USP9X: variants seen among roughly 807,000 people sequenced by gnomAD.
USP9X encodes ubiquitin carboxyl-terminal hydrolase 9X.
Under a neutral mutation model 190.3 loss-of-function variants are expected in USP9X, and 7 were observed. The observed-to-expected ratio is 0.04, with a 90% CI of 0.02 to 0.07. The LOEUF (loss-of-function observed/expected upper bound fraction) is 0.07, where lower values mean the gene tolerates loss of function less well. Ranked by LOEUF, USP9X falls within the 10% of genes least tolerant of loss-of-function variation. The pLI, the probability that USP9X is intolerant of heterozygous loss-of-function variation, is 1.00. For synonymous variants in USP9X, 645 were observed against 659.5 expected (o/e 0.98, Z 0.34); for missense variants, 1,010 against 1,916.9 (o/e 0.53, Z 8.83).
At chrX:41,117,408 G>A (rs1246450360) in intron 1 of USP9X, among the ~76,000 whole-genome samples, 1 of 111,218 alleles carries the variant, frequency 9.0e-6, no homozygotes, top group Non-Finnish European at 1.9e-5. Context: ...TAGATGGAAG[G>A]ATATTGTGCA....
intron 1 of USP9X, among the ~76,000 whole-genome samples, chrX:41,097,471 A>G (rs1601929996): frequency 9.0e-6 from 1 of 111,362 alleles, no homozygotes; most frequent in East Asian, 2.8e-4. Flanking sequence ...TATACTCTTA[A>G]ATTATTGAGG....
chrX:41,232,395 T>C lies in USP9X; in HGVS notation c.7536T>C (p.His2512=), dbSNP rs375282778. Residue 2512 remains histidine (H), a synonymous_variant, in exon 45 of 45, where the codon CAT becomes CAC. Transcript: ENST00000378308. The stretch of plus-strand genomic sequence containing the variant: ...CTTTTCTCCTTTCCCAGAATAACCA[T>C]GTGCATGGACAGCCATATACAGGCC... ...SPGSQYQQNN[H]VHGQPYTGPA... The C allele has an allele frequency of 3.0e-5, 36 of 1,204,091 alleles. No individual in the cohort carries two copies. In the African/African-American group the frequency reaches 5.8e-4, roughly 19 times the overall value.
At chrX:41,155,331 G>A (rs1205380840) in intron 14 of USP9X, among the ~76,000 whole-genome samples, 1 of 111,850 alleles carries the variant, frequency 8.9e-6, no homozygotes, top group East Asian at 2.8e-4. Context: ...TCATACACTG[G>A]TACTTAAATT....
chrX:41,189,202 C>T, intron 25 of USP9X, 107 bp from the exon 26 acceptor site: 1 of 777,831 alleles, frequency 1.3e-6, no homozygotes, highest in South Asian at 2.8e-5. Context: ...GAGGCTGAGG[C>T]CAGGTGGTTT....
rs1374708645 is a variant in USP9X at position 41,135,316 on chromosome X, T to TA, written c.435+489dup. On this transcript the variant is annotated intron_variant, in intron 5 of 44. Coordinates refer to ENST00000378308, the MANE Select transcript of USP9X (RefSeq NM_001039591.3). ...CTTGGCACTTGGTGGAGGGAGGGATTAAAAAAAAAAGTGAAAATCTAAACC... is the reference window on the plus strand; with the variant it reads ...CTTGGCACTTGGTGGAGGGAGGGATTAAAAAAAAAAAGTGAAAATCTAAACC... 8.5e-5 allele frequency among the ~76,000 whole-genome samples: 9 copies of TA among 105,483 alleles called. No individual in the cohort carries two copies. In the East Asian group the frequency reaches 8.8e-4, roughly 10 times the overall value. The allele number at this position is 105,483 out of a possible 115,157, so 91.6% of individuals were successfully genotyped here.
intron 14 of USP9X, among the ~76,000 whole-genome samples, chrX:41,157,604 T>C (rs1205029946): frequency 3.6e-5 from 4 of 111,445 alleles, no homozygotes; most frequent in African/African-American, 1.3e-4. Flanking sequence ...CCCATAGTCA[T>C]ATTTCTGTTT....
At chrX:41,163,718 A>G (rs993909622) in intron 15 of USP9X, among the ~76,000 whole-genome samples, 10 of 102,221 alleles carry the variant, frequency 9.8e-5, no homozygotes, top group African/African-American at 3.6e-4. Context: ...GCACCACTGC[A>G]CTCCAGACCC....
intron 9 of USP9X, among the ~76,000 whole-genome samples, chrX:41,142,853 G>C (rs1181085226): frequency 8.9e-6 from 1 of 111,907 alleles, no homozygotes; most frequent in Non-Finnish European, 1.9e-5. Context: ...GAAAATTAAA[G>C]AGATAATGGA....
intron 18 of USP9X, among the ~76,000 whole-genome samples, chrX:41,169,602 C>G (rs1379505070): frequency 1.8e-5 from 2 of 110,383 alleles, no homozygotes; most frequent in African/African-American, 6.6e-5. Context: ...TTACAGGCGC[C>G]CACCACCAAG....
chrX:41,189,221 A>C (rs1022417591), intron 25 of USP9X, 88 bp from the exon 26 acceptor site: 12 of 976,269 alleles, frequency 1.2e-5, no homozygotes, highest in Non-Finnish European at 1.7e-5. Context: ...TTAAGTGAGC[A>C]GATGAGTTTT....
At chrX:41,230,347 T>TG (rs1226510017) in intron 43 of USP9X, among the ~76,000 whole-genome samples, 154 bp from the exon 44 acceptor site, 1 of 110,688 alleles carries the variant, frequency 9.0e-6, no homozygotes, top group Non-Finnish European at 1.9e-5. Flanking sequence ...TTTTTTTTTT[T>TG]TTTGTTTTTT....
chrX:41,087,426 A>G (rs936822218), intron 1 of USP9X, among the ~76,000 whole-genome samples: 1 of 112,372 alleles, frequency 8.9e-6, no homozygotes, highest in African/African-American at 3.2e-5. Context: ...AATAGAGACT[A>G]TAAACTCTCC....
chrX:41,158,648 A>G (rs1198128942), intron 14 of USP9X, among the ~76,000 whole-genome samples: 1 of 111,302 alleles, frequency 9.0e-6, no homozygotes, highest in African/African-American at 3.3e-5. Flanking sequence ...CAGGAAAAAA[A>G]TACTTGAATA....
At chrX:41,146,909 A>G (rs1333518293) in intron 11 of USP9X, among the ~76,000 whole-genome samples, 2 of 110,212 alleles carry the variant, frequency 1.8e-5, no homozygotes, top group Non-Finnish European at 3.8e-5. Context: ...AGATGAGTAC[A>G]TGAAAAAATT....
rs2063148754 is a variant in USP9X, at chrX:41,210,569, A to G, written c.5076A>G (p.Ser1692=). ...ACGATGCTTTAGAATTTTTTAATTC[A>G]TTGGTGGATAGTTTAGATGAAGCTT... ...EQHDALEFFN[S]LVDSLDEALK... Residue 1692 remains serine, a synonymous_variant, in exon 33 of 45, where the codon TCA becomes TCG. Coordinates refer to ENST00000378308, the MANE Select transcript of USP9X (RefSeq NM_001039591.3). The G allele has an allele frequency of 1.7e-6, 2 of 1,210,033 alleles. No individual in the cohort carries two copies. Among genetic ancestry groups the G allele is most frequent in the Admixed American group, 2.2e-5 (1 of 45,772 alleles).
At chrX:41,156,577 A>G (rs1418873979) in intron 14 of USP9X, among the ~76,000 whole-genome samples, 2 of 111,902 alleles carry the variant, frequency 1.8e-5, no homozygotes, top group African/African-American at 6.5e-5. Context: ...CAGGGTGGAC[A>G]TTATATGTCA....
intron 32 of USP9X, 127 bp downstream of exon 32, chrX:41,205,620 C>A: frequency 8.7e-6 from 5 of 572,042 alleles, no homozygotes; most frequent in African/African-American, 2.5e-5. Flanking sequence ...TCAAACTGTC[C>A]TTAATTGGGT....
At chrX:41,125,669 CA>C (rs2062234291) in intron 2 of USP9X, among the ~76,000 whole-genome samples, 2 of 56,415 alleles carry the variant, frequency 3.5e-5, no homozygotes, top group African/African-American at 6.4e-5. Flanking sequence ...CACACACACA[CA>C]CACACACACA....
rs568735731 is a variant in USP9X, at chrX:41,185,609, A to G, written c.3559-908A>G. 6.3e-5 allele frequency among the ~76,000 whole-genome samples: 7 copies of G among 110,607 alleles called. No homozygotes were observed. The South Asian group carries it at 2.6e-3, about 42-fold the overall frequency. ...GAATTTTCTGTAAAAAATGGCTTAAATTTTATATTGTTTTGTATCACAGGT... is the reference window on the plus strand; with the variant it reads ...GAATTTTCTGTAAAAAATGGCTTAAGTTTTATATTGTTTTGTATCACAGGT... On this transcript the variant is annotated intron_variant, in intron 23 of 44. Transcript: ENST00000378308.
Sources: gnomAD v4.1 joint callset for allele counts (sites outside exome capture counted in the v4.1 genomes callset) on GRCh38, gnomAD v4.1.1 for gene constraint, MANE v1.5 for transcripts, NCBI Gene and HGNC (gene_info 2026-07-23, HGNC 2026-07-21) for gene names.